The following POLG variants were observed in gnomAD, a reference collection of about 807,000 sequenced individuals.
POLG encodes DNA polymerase gamma, catalytic subunit.
A neutral mutation model predicts 155.4 loss-of-function variants in POLG; 110 were observed. That is an observed-to-expected ratio of 0.71 (90% CI 0.61 to 0.83). The LOEUF is 0.83. Ranked by LOEUF, POLG falls within the 40% of genes least tolerant of loss-of-function variation. POLG has a pLI of 0.00. For missense variants in POLG, 1,685 were observed against 1,627.5 expected (o/e 1.04, Z -0.61); for synonymous variants, 701 against 631.5 (o/e 1.11, Z -1.65).
chr15:89,328,432 A>C, intron 6 of POLG, 24 bp downstream of exon 6: 2 of 1,596,178 alleles, frequency 1.3e-6, no homozygotes, highest in Non-Finnish European at 1.7e-6. Flanking sequence ...ACCCCCAGAG[A>C]TTCCCACATG....
chr15:89,329,001 A>T lies in POLG; in HGVS notation c.965T>A (p.Val322Asp), dbSNP rs750645381. 1 of 1,613,472 alleles carries T rather than the reference A, an allele frequency of 6.2e-7. No homozygotes were observed. Among genetic ancestry groups the T allele is most frequent in the South Asian group, 1.1e-5 (1 of 91,040 alleles). ...WIAAKQGKHK[V>D]QPPTKQGQKS... Reference sequence around the variant, plus strand: ...CTGGCCTTGCTTTGTGGGGGGCTGGACCTTGTGTTTGCCCTGCTTGGCTGC... The same window carrying T: ...CTGGCCTTGCTTTGTGGGGGGCTGGTCCTTGTGTTTGCCCTGCTTGGCTGC... The change falls in exon 4 of 23, where the codon GTC becomes GAC. Residue 322 changes from valine to aspartate, a missense_variant. Transcript: ENST00000268124.
At position 89,327,070 on chromosome 15, in the gene POLG, A is replaced by G. The variant is rs368003454; in HGVS notation, c.1434-7T>C. On this transcript the variant is annotated splice_region_variant and splice_polypyrimidine_tract_variant and intron_variant, in intron 7 of 22. Transcript: ENST00000268124. ...CCAGGGGTCTTCTTTGTACCTACAGAGCCAGTCCACTAGGGCAGGGCTAAG... is the reference window on the plus strand; with the variant it reads ...CCAGGGGTCTTCTTTGTACCTACAGGGCCAGTCCACTAGGGCAGGGCTAAG... 1 of 1,614,074 alleles carries G rather than the reference A, an allele frequency of 6.2e-7. No homozygotes were observed. The highest frequency in any genetic ancestry group is 1.3e-5 in the African/African-American group (1 of 74,924).
At position 89,333,638 on chromosome 15, in the gene POLG, C is replaced by CCGA. The variant is rs1193673166; in HGVS notation, c.116_117insTCG (p.Gln39delinsHisArg). On this transcript the variant is annotated protein_altering_variant, in exon 2 of 23. Transcript: ENST00000268124. ...GCTGCTGCTGCTGCTGCCGCCGCCG[C>CCGA]TGCCCGTCGCTGGGGTCGGACGCGG... The CCGA allele has an allele frequency of 1.3e-6, 2 of 1,591,446 alleles. No homozygotes were observed. Among genetic ancestry groups the CCGA allele is most frequent in the South Asian group, 2.2e-5 (2 of 89,644 alleles).
chr15:89,321,572 G>A (rs570529924), intron 16 of POLG, among the ~76,000 whole-genome samples, 164 bp downstream of exon 16: 1 of 152,320 alleles, frequency 6.6e-6, no homozygotes, highest in African/African-American at 2.4e-5. Context: ...ATTTACTGAA[G>A]GAGTGGACAG....
intron 15 of POLG, 53 bp from the exon 16 acceptor site, chr15:89,321,906 G>A (rs2055402316): frequency 3.8e-5 from 61 of 1,607,740 alleles, no homozygotes; most frequent in Non-Finnish European, 5.2e-5. Flanking sequence ...TTTGGCCTTA[G>A]GACCTACCAC....
At chr15:89,321,704 G>T in intron 16 of POLG, 32 bp downstream of exon 16, 1 of 1,477,310 alleles carries the variant, frequency 6.8e-7, no homozygotes, top group South Asian at 1.1e-5. Flanking sequence ...GGGAGAGGAA[G>T]AGCAGGGGCC....
chr15:89,328,481 G>T lies in POLG; in HGVS notation c.1225C>A (p.Gln409Lys). Residue 409 changes from glutamine to lysine, a missense_variant, in exon 6 of 23, where the codon CAG (glutamine) becomes AAG (lysine). By Grantham distance (53) the Gln-to-Lys change is moderately conservative (BLOSUM62 1). This residue lies in a region of POLG where 1,210 missense variants were observed against 1,167.1 expected (regional missense o/e 1.04). Transcript: ENST00000268124. ...CTCTCCAAGAAGAGCGGTAGCTGCTGCTGGAAAACCTCATGGGTGGCCCAC... is the reference window on the plus strand; with the variant it reads ...CTCTCCAAGAAGAGCGGTAGCTGCTTCTGGAAAACCTCATGGGTGGCCCAC... ...DVWATHEVFQ[Q>K]QLPLFLERCP... 6.2e-7 allele frequency: 1 copy of T among 1,613,834 alleles called. No homozygotes were observed. The highest frequency in any genetic ancestry group is 2.2e-5 in the East Asian group (1 of 44,886).
intron 10 of POLG, among the ~76,000 whole-genome samples, chr15:89,325,155 T>TGAGTGAGTGAGAGAGTGAGA (rs2055478910): frequency 6.8e-5 from 3 of 43,922 alleles, no homozygotes; most frequent in Admixed American, 2.2e-4. Context: ...AGTGAGTGAG[T>TGAGTGAGTGAGAGAGTGAGA]GAGTGAGTGA....
chr15:89,330,526 T>C (rs1485198311), intron 2 of POLG, among the ~76,000 whole-genome samples: 9 of 152,206 alleles, frequency 5.9e-5, no homozygotes, highest in Admixed American at 5.9e-4. Flanking sequence ...ACTGGGCTAT[T>C]AGACCTACGT....
chr15:89,317,041 T>G (rs2055291856), intron 22 of POLG: 2 of 597,928 alleles, frequency 3.3e-6, no homozygotes, highest in African/African-American at 1.9e-5. Flanking sequence ...GCTTTCTGAT[T>G]TACTTGTTTG....
In POLG at chr15:89,332,613, C is replaced by CGGG. The variant is rs3216330; in HGVS notation, c.659+480_659+482dup. Among the ~76,000 whole-genome samples, 159 of 60,452 alleles carry CGGG rather than the reference C, an allele frequency of 2.6e-3. 2 individuals are homozygous for CGGG. In the South Asian group the frequency reaches 0.037, roughly 14 times the overall value. The allele number at this position is 60,452 out of a possible 152,430, so 39.7% of individuals were successfully genotyped here. A position where few individuals can be genotyped will look rare whatever the true frequency, so the allele number is the denominator to read the frequency against. ...AACGTTGCCGGCGGGGGCAGGGGGGCGGGGGGGTGTTGGTCTGGCGTTTAT... is the reference window on the plus strand; with the variant it reads ...AACGTTGCCGGCGGGGGCAGGGGGGCGGGGGGGGGGTGTTGGTCTGGCGTTTAT... On this transcript the variant is annotated intron_variant, in intron 2 of 22. Coordinates refer to ENST00000268124, the MANE Select transcript of POLG (RefSeq NM_002693.3).
chr15:89,320,702 C>A, intron 18 of POLG, 64 bp downstream of exon 18: 1 of 1,589,468 alleles, frequency 6.3e-7, no homozygotes, highest in South Asian at 1.1e-5. Context: ...GATGGTAGTA[C>A]TAAAGGACAG....
intron 6 of POLG, among the ~76,000 whole-genome samples, chr15:89,327,739 CAT>C (rs529156182): frequency 3.4e-4 from 52 of 152,254 alleles, no homozygotes; most frequent in East Asian, 2.7e-3. Flanking sequence ...TTAAACAACA[CAT>C]GTCTGGATCG....
rs1358462701 is a variant in POLG, at chr15:89,319,213, AAAG to A, written c.3104+12_3104+14del. 3.1e-6 allele frequency: 5 copies of A among 1,614,148 alleles called. No homozygotes were observed. The highest frequency in any genetic ancestry group is 3.3e-4 in the Middle Eastern group (2 of 6,062). ...AGACCCCTCCCTCCATCCTTAACAC[AAAG>A]AAGGTTCTTACTTCCTTGCAGTTTC... On this transcript the variant is annotated intron_variant, in intron 19 of 22. Coordinates refer to ENST00000268124, the MANE Select transcript of POLG (RefSeq NM_002693.3).
chr15:89,333,821 T>C lies in POLG; in HGVS notation c.-67A>G, dbSNP rs553331485. ...GCTTTGGGCTCCAGCTTGGCTTCTT[T>C]TACTGGCTGGAAGACGTGGAGAGAG... On this transcript the variant is annotated 5_prime_UTR_variant, in exon 2 of 23. An upstream open reading frame in the 5' UTR loses its in-frame stop. Transcript: ENST00000268124. 99 of 1,521,340 alleles carry C rather than the reference T, an allele frequency of 6.5e-5. No homozygotes were observed. The highest frequency in any genetic ancestry group is 4.8e-4 in the South Asian group (40 of 83,720). 94.2% of individuals were successfully genotyped at this position (1,521,340 alleles called of 1,614,324 possible).
At chr15:89,324,065 G>A in intron 11 of POLG, 42 bp downstream of exon 11, 1 of 1,613,256 alleles carries the variant, frequency 6.2e-7, no homozygotes, top group Non-Finnish European at 8.5e-7. Context: ...GGAATACAGA[G>A]ACCTCCCCTC....
chr15:89,317,231 GCACCTTA>G (rs2055301646), intron 22 of POLG, 138 bp downstream of exon 22: 1 of 720,088 alleles, frequency 1.4e-6, no homozygotes, highest in Admixed American at 2.1e-5. Flanking sequence ...TGGACACAGG[GCACCTTA>G]TAAACTGAAA....
Position 89,327,254 on chromosome 15 carries a change from T to G in POLG, c.1346A>C (p.Gln449Pro). ...CCGCTGGAGCTCCTCATAAGTGCCCTGTGCCTCTGCCAGGTAACGCTCCCA... is the reference window on the plus strand; with the variant it reads ...CCGCTGGAGCTCCTCATAAGTGCCCGGTGCCTCTGCCAGGTAACGCTCCCA... ...QNWERYLAEA[Q>P]GTYEELQREM... is the part of the protein sequence containing the mutation. The change falls in exon 7 of 23, where the codon CAG (glutamine) becomes CCG (proline). Residue 449 changes from glutamine (Q) to proline (P), a missense_variant. By Grantham distance (76) the Gln-to-Pro change is moderately conservative (BLOSUM62 -1). Coordinates refer to ENST00000268124, the MANE Select transcript of POLG (RefSeq NM_002693.3). 6.2e-7 allele frequency: 1 copy of G among 1,614,210 alleles called. No individual in the cohort carries two copies. Among genetic ancestry groups the G allele is most frequent in the Non-Finnish European group, 8.5e-7 (1 of 1,180,014 alleles).
rs771576687 is a variant in POLG, at chr15:89,333,336, C to A, written c.419G>T (p.Arg140Leu). The A allele has an allele frequency of 4.5e-6, 7 of 1,561,910 alleles. 1 individual carries two copies. In the South Asian group the frequency reaches 8.1e-5, roughly 18 times the overall value. Residue 140 changes from arginine (R) to leucine (L), a missense_variant, in exon 2 of 23, where the codon CGC becomes CTC. Around this residue, in one of 3 missense-constraint regions of POLG, gnomAD observed 1,210 missense variants for 1,167.1 expected, o/e 1.04. Transcript: ENST00000268124. ...CAGGCTCTGCTTCTGGGCCAGGAGG[C>A]GGAAGTGCTGGTCCAGGTTGTCCCC... The part of the protein sequence containing the change: ...LYGDNLDQHF[R>L]LLAQKQSLPY...
Sources: allele counts gnomAD v4.1 joint callset (sites outside exome capture counted in the v4.1 genomes callset), GRCh38; gene constraint gnomAD v4.1.1; regional missense constraint gnomAD v4.1.1; transcripts MANE v1.5; gene names NCBI Gene and HGNC (gene_info 2026-07-23, HGNC 2026-07-21).